The following UGT1A10 variants were observed in gnomAD, a reference collection of about 807,000 sequenced individuals.
The protein encoded by UGT1A10 is UDP glucuronosyltransferase family 1 member A10.
A neutral mutation model predicts 45.8 loss-of-function variants in UGT1A10; 49 were observed. The observed-to-expected ratio is 1.07, with a 90% CI of 0.85 to 1.36. The LOEUF (loss-of-function observed/expected upper bound fraction) is 1.36, where lower values mean the gene tolerates loss of function less well. UGT1A10 is among the 40% of genes most tolerant of loss of function. The probability of loss-of-function intolerance (pLI) is 0.00; values close to 1 mark genes in which losing one functional copy is unlikely to be tolerated. For synonymous variants in UGT1A10, 284 were observed against 249.7 expected (o/e 1.14, Z -1.29); for missense variants, 745 against 668.6 (o/e 1.11, Z -1.26).
At chr2:233,650,200 C>T (rs927793921) in intron 1 of UGT1A10, among the ~76,000 whole-genome samples, 3 of 152,152 alleles carry the variant, frequency 2.0e-5, no homozygotes, top group Admixed American at 2.0e-4. Flanking sequence ...GAACTCCTGA[C>T]CTCAGGTGAT....
intron 1 of UGT1A10, chr2:233,747,490 T>G: frequency 6.2e-7 from 1 of 1,609,038 alleles, no homozygotes; most frequent in Non-Finnish European, 8.5e-7. Flanking sequence ...GATCGCCTTG[T>G]GCTGGGCCAC....
intron 1 of UGT1A10, among the ~76,000 whole-genome samples, chr2:233,734,004 T>A (rs2078466874): frequency 6.6e-6 from 1 of 151,924 alleles, no homozygotes; most frequent in South Asian, 2.1e-4. Context: ...ATACCTAATG[T>A]TAAATGACGA....
At chr2:233,706,339 C>T (rs1257553427) in intron 1 of UGT1A10, among the ~76,000 whole-genome samples, 2 of 152,090 alleles carry the variant, frequency 1.3e-5, no homozygotes, top group Admixed American at 6.5e-5. Context: ...AGCTGGTGAC[C>T]CTGAAAAAAC....
At chr2:233,759,615 C>CACCT (rs1177524804) in intron 1 of UGT1A10, among the ~76,000 whole-genome samples, 1 of 149,432 alleles carries the variant, frequency 6.7e-6, no homozygotes, top group Non-Finnish European at 1.5e-5. Context: ...CCCACCCACC[C>CACCT]ACCTGTTCAT....
At chr2:233,719,637 A>T in intron 1 of UGT1A10, 1 of 1,614,040 alleles carries the variant, frequency 6.2e-7, no homozygotes. Flanking sequence ...CATGCCCAAC[A>T]TGGTCTTCAT....
chr2:233,678,713 A>G (rs945469099), intron 1 of UGT1A10, among the ~76,000 whole-genome samples: 1 of 152,060 alleles, frequency 6.6e-6, no homozygotes, highest in Non-Finnish European at 1.5e-5. Flanking sequence ...CTTCTTCTAC[A>G]TCTTCTTTCT....
chr2:233,751,985 A>C (rs1248686220), intron 1 of UGT1A10, among the ~76,000 whole-genome samples: 1 of 152,196 alleles, frequency 6.6e-6, no homozygotes, highest in Non-Finnish European at 1.5e-5. Flanking sequence ...ATGAATCTGC[A>C]TTTATTGAGA....
rs201093245 is a variant in UGT1A10, at chr2:233,760,862, A to G, written c.856-6172A>G. ...ACCCAGTGCCCCAACCCATTCTCCT[A>G]CGTGCCCAGGCCTCTCTCCTCTCAT... is the stretch of plus-strand genomic sequence containing the variant. On this transcript the variant is annotated intron_variant, in intron 1 of 4. Transcript: ENST00000344644. 6.2e-7 allele frequency: 1 copy of G among 1,614,000 alleles called. No homozygotes were observed. The highest frequency in any genetic ancestry group is 1.7e-5 in the Admixed American group (1 of 60,012).
intron 2 of UGT1A10, 25 bp from the exon 3 acceptor site, chr2:233,767,822 ACG>A (rs756893991): frequency 6.2e-7 from 1 of 1,614,064 alleles, no homozygotes. Flanking sequence ...TTCTTTCTTT[ACG>A]TTCTGCTCTT....
intron 1 of UGT1A10, among the ~76,000 whole-genome samples, chr2:233,677,405 T>C (rs2074389649): frequency 6.6e-6 from 1 of 152,202 alleles, no homozygotes; most frequent in African/African-American, 2.4e-5. Context: ...GAACTTTTGA[T>C]TCTCCAAAAA....
At chr2:233,667,541 T>C (rs900585485) in intron 1 of UGT1A10, among the ~76,000 whole-genome samples, 14 of 152,130 alleles carry the variant, frequency 9.2e-5, no homozygotes, top group Non-Finnish European at 5.9e-5. Flanking sequence ...TGGGATCTCA[T>C]TAAACTAAAG....
intron 1 of UGT1A10, chr2:233,722,151 A>G (rs1415241636): frequency 2.5e-5 from 4 of 162,020 alleles, no homozygotes; most frequent in African/African-American, 9.6e-5. Flanking sequence ...CTGCAGGACA[A>G]GATGTGTCAC....
At chr2:233,697,298 A>C (rs1046894333) in intron 1 of UGT1A10, among the ~76,000 whole-genome samples, 1 of 152,102 alleles carries the variant, frequency 6.6e-6, no homozygotes, top group African/African-American at 2.4e-5. Flanking sequence ...TTCTTCATTC[A>C]ATCTTGGTAG....
chr2:233,756,137 T>C (rs776575222), intron 1 of UGT1A10: 2 of 152,178 alleles, frequency 1.3e-5, no homozygotes, highest in Non-Finnish European at 2.9e-5. Context: ...TCCTGAAAAA[T>C]TACTGGGGAT....
chr2:233,729,506 C>G lies in UGT1A10; in HGVS notation c.856-37528C>G, dbSNP rs192895083. ...AATATGTCTTTGGTCTATCATAGGT[C>G]TTGTGTGGAGCTACTACATAATGAG... On this transcript the variant is annotated intron_variant, in intron 1 of 4. Transcript: ENST00000344644. The G allele has an allele frequency of 6.7e-5, 108 of 1,614,162 alleles. No homozygotes were observed. Among genetic ancestry groups the G allele is most frequent in the Non-Finnish European group, 8.6e-5 (102 of 1,180,030 alleles).
At chr2:233,763,091 G>C (rs1453938427) in intron 1 of UGT1A10, among the ~76,000 whole-genome samples, 1 of 152,216 alleles carries the variant, frequency 6.6e-6, no homozygotes, top group Non-Finnish European at 1.5e-5. Context: ...ATGTTTGTAG[G>C]AGAGGCACCG....
chr2:233,745,111 T>C (rs1693017578), intron 1 of UGT1A10, among the ~76,000 whole-genome samples: 2 of 151,928 alleles, frequency 1.3e-5, no homozygotes, highest in African/African-American at 4.9e-5. Context: ...TTTAATCTGC[T>C]GTTGGCTGAA....
intron 1 of UGT1A10, among the ~76,000 whole-genome samples, chr2:233,703,402 G>A (rs2075736582): frequency 6.6e-6 from 1 of 151,594 alleles, no homozygotes; most frequent in South Asian, 2.1e-4. Flanking sequence ...AAACAATTTT[G>A]GTTTTGTTTA....
chr2:233,679,502 G>A (rs187149830), intron 1 of UGT1A10, among the ~76,000 whole-genome samples: 14 of 152,174 alleles, frequency 9.2e-5, no homozygotes, highest in Admixed American at 6.5e-4. Context: ...TTACATTCTG[G>A]TGCTTGGTTT....
Sources: allele counts gnomAD v4.1 joint callset (sites outside exome capture counted in the v4.1 genomes callset), GRCh38; gene constraint gnomAD v4.1.1; transcripts MANE v1.5; gene names NCBI Gene and HGNC (gene_info 2026-07-23, HGNC 2026-07-21).